The following DPP6 variants were observed in gnomAD, a reference collection of about 807,000 sequenced individuals.
DPP6 encodes dipeptidyl peptidase like 6, also known as A-type potassium channel modulatory protein DPP6.
A neutral mutation model predicts 122.6 loss-of-function variants in DPP6; 69 were observed. The ratio of observed to expected loss-of-function variants is 0.56; its 90% confidence interval spans 0.46 to 0.69. DPP6 has a LOEUF of 0.69. DPP6 is among the 30% of genes least tolerant of loss of function. The probability of loss-of-function intolerance (pLI) is 0.00; values close to 1 mark genes in which losing one functional copy is unlikely to be tolerated. For missense variants in DPP6, 928 were observed against 1,116.9 expected (o/e 0.83, Z 2.41); for synonymous variants, 418 against 433.1 (o/e 0.97, Z 0.43).
the DPP6 span, among the ~76,000 whole-genome samples, chr7:153,828,246 G>A: frequency 1.3e-5 from 2 of 152,232 alleles, no homozygotes; most frequent in Non-Finnish European, 2.9e-5. Context: ...GTACCCAGGG[G>A]TAGGGCAGTG....
At chr7:154,053,998 C>T (rs1800612160) in intron 1 of DPP6, among the ~76,000 whole-genome samples, 1 of 148,148 alleles carries the variant, frequency 6.8e-6, no homozygotes, top group South Asian at 2.3e-4. Flanking sequence ...TTGAGGCCTT[C>T]TTTTCCCAGG....
chr7:154,698,222 A>G (rs1023910952), intron 7 of DPP6, among the ~76,000 whole-genome samples: 2 of 152,314 alleles, frequency 1.3e-5, no homozygotes, highest in East Asian at 1.9e-4. Flanking sequence ...CATAATTTTC[A>G]TAGTTACATA....
chr7:154,558,055 A>G (rs2337392), intron 4 of DPP6, among the ~76,000 whole-genome samples: 74,680 of 151,648 alleles, frequency 0.49, 18,964 homozygotes, highest in East Asian at 0.75. Context: ...CCATCAACCC[A>G]TCACCTACAT....
chr7:154,819,387 C>T (rs1344808479), intron 16 of DPP6, among the ~76,000 whole-genome samples: 2 of 152,074 alleles, frequency 1.3e-5, no homozygotes, highest in East Asian at 3.9e-4. Context: ...TGCCCTCCAG[C>T]GTGGGCAACA....
intron 21 of DPP6, chr7:154,883,858 TGATTACACATGCTCCCACATAC>T (rs1389643624): frequency 1.6e-5 from 1 of 64,396 alleles, no homozygotes; most frequent in Non-Finnish European, 3.0e-5. Context: ...CATGCTCACA[TGATTACACATGCTCCCACATAC>T]ATACATGCTC....
chr7:153,992,896 T>C (rs1797247017), intron 1 of DPP6, among the ~76,000 whole-genome samples: 1 of 152,102 alleles, frequency 6.6e-6, no homozygotes, highest in Non-Finnish European at 1.5e-5. Flanking sequence ...CTTGAAATAC[T>C]GTCCATTATT....
chr7:154,065,337 C>T (rs553229443), intron 1 of DPP6, among the ~76,000 whole-genome samples: 12 of 130,828 alleles, frequency 9.2e-5, no homozygotes, highest in African/African-American at 3.0e-4. Context: ...GGACACCTCC[C>T]ATCACTCTTT....
chr7:154,726,366 A>G (rs1298121340), intron 7 of DPP6, among the ~76,000 whole-genome samples: 1 of 152,158 alleles, frequency 6.6e-6, no homozygotes, highest in East Asian at 1.9e-4. Context: ...ATTTAGGTGG[A>G]TACTCCCAAG....
At chr7:153,749,883 A>C in the DPP6 span, among the ~76,000 whole-genome samples, 1 of 152,366 alleles carries the variant, frequency 6.6e-6, no homozygotes, top group South Asian at 2.1e-4. This position sits in a 1 kb window ranked among gnomAD's most constrained non-coding sequence, Gnocchi z 4.1. Context: ...AAAGGCGAGC[A>C]CTGTGGAGCT....
chr7:154,814,843 G>A (rs1799312118), intron 16 of DPP6, among the ~76,000 whole-genome samples: 1 of 152,168 alleles, frequency 6.6e-6, no homozygotes, highest in African/African-American at 2.4e-5. Context: ...TCTTCATGTG[G>A]TCTTCCCCCT....
intron 1 of DPP6, among the ~76,000 whole-genome samples, chr7:154,057,064 C>T (rs1481790909): frequency 1.3e-5 from 2 of 152,206 alleles, no homozygotes; most frequent in South Asian, 2.1e-4. Flanking sequence ...GTTGCCCTCT[C>T]TTGATCCCAG....
intron 20 of DPP6, 187 bp downstream of exon 20, chr7:154,876,287 G>A: frequency 2.8e-6 from 3 of 1,077,524 alleles, no homozygotes; most frequent in Non-Finnish European, 2.4e-6. Context: ...CTTCTCCTAG[G>A]GACATTTATA....
chr7:153,762,740 A>G, the DPP6 span, among the ~76,000 whole-genome samples: 2 of 152,118 alleles, frequency 1.3e-5, no homozygotes, highest in African/African-American at 4.8e-5. Flanking sequence ...AAATCGTGCC[A>G]TTTCATGCCA....
intron 5 of DPP6, among the ~76,000 whole-genome samples, chr7:154,604,554 G>T (rs1833523050): frequency 8.3e-6 from 1 of 120,828 alleles, no homozygotes; most frequent in Admixed American, 9.3e-5. Flanking sequence ...GATAATATAA[G>T]CACAAAGACT....
At chr7:154,674,703 A>G (rs1002933852) in intron 7 of DPP6, among the ~76,000 whole-genome samples, 41 of 152,342 alleles carry the variant, frequency 2.7e-4, no homozygotes, top group African/African-American at 8.4e-4. Flanking sequence ...CAACGCAGAG[A>G]GCGTCAAAAT....
intron 1 of DPP6, among the ~76,000 whole-genome samples, chr7:154,147,671 TGTG>T: frequency 6.7e-6 from 1 of 150,246 alleles, no homozygotes; most frequent in African/African-American, 2.5e-5. Flanking sequence ...TGTGTGTGTG[TGTG>T]TGTATATATG....
chr7:154,194,225 T>C (rs932499168), intron 1 of DPP6, among the ~76,000 whole-genome samples: 1 of 152,154 alleles, frequency 6.6e-6, no homozygotes, highest in Admixed American at 6.5e-5. Flanking sequence ...GGGCAGCTTA[T>C]GGGTGTTTGC....
At chr7:154,324,224 A>T (rs1054951802) in intron 1 of DPP6, among the ~76,000 whole-genome samples, 1 of 152,236 alleles carries the variant, frequency 6.6e-6, no homozygotes. Flanking sequence ...TTTTACATGC[A>T]CAGCAGGTTG....
At chr7:154,244,452 G>A (rs1228405284) in intron 1 of DPP6, among the ~76,000 whole-genome samples, 2 of 152,038 alleles carry the variant, frequency 1.3e-5, no homozygotes, top group East Asian at 1.9e-4. Context: ...ATGACATGAA[G>A]GATACCAAAA....
Sources: allele counts gnomAD v4.1 joint callset (sites outside exome capture counted in the v4.1 genomes callset), GRCh38; gene constraint gnomAD v4.1.1; non-coding constraint Gnocchi (gnomAD v3.1); transcripts MANE v1.5; gene names NCBI Gene and HGNC (gene_info 2026-07-23, HGNC 2026-07-21).